Variants in UIMC1 observed in about 807,000 individuals in gnomAD.
UIMC1 encodes the protein ubiquitin interaction motif containing 1.
Under a neutral mutation model 84.9 loss-of-function variants are expected in UIMC1, and 42 were observed. That is an observed-to-expected ratio of 0.49 (90% CI 0.39 to 0.64). UIMC1 has a LOEUF of 0.64. Ranked by LOEUF, UIMC1 falls within the 30% of genes least tolerant of loss-of-function variation. The probability of loss-of-function intolerance (pLI) is 0.00; values close to 1 mark genes in which losing one functional copy is unlikely to be tolerated. For synonymous variants in UIMC1, 281 were observed against 293.0 expected (o/e 0.96, Z 0.42); for missense variants, 825 against 847.6 (o/e 0.97, Z 0.33).
At position 176,982,320 on chromosome 5, in the gene UIMC1, C is replaced by A; in HGVS notation, c.147+149G>T. On this transcript the variant is annotated intron_variant, in intron 2 of 14. Coordinates refer to ENST00000511320, the MANE Select transcript of UIMC1 (RefSeq NM_001199298.2). ...TACTACCTTAAGTAATTCTTCATTC[C>A]ATTTACAAATTAAAACAAAGCTGAG... 9 of 851,938 alleles carry A rather than the reference C, an allele frequency of 1.1e-5. No homozygotes were observed. The South Asian group carries it at 1.7e-4, about 16-fold the overall frequency. The allele number at this position is 851,938 out of a possible 1,614,324, so 52.8% of individuals were successfully genotyped here.
At chr5:176,975,539 C>T in intron 2 of UIMC1, 59 bp from the exon 3 acceptor site, 3 of 1,546,016 alleles carry the variant, frequency 1.9e-6, no homozygotes, top group Non-Finnish European at 2.7e-6. Context: ...TGATTTCTCT[C>T]TCTTCTACCT....
intron 2 of UIMC1, among the ~76,000 whole-genome samples, chr5:176,981,235 C>G (rs1005403746): frequency 1.3e-5 from 2 of 150,222 alleles, no homozygotes; most frequent in Non-Finnish European, 3.0e-5. Context: ...AGCTTCGCCT[C>G]CAGGGTTCAA....
At chr5:176,982,925 C>T (rs1297392179) in intron 1 of UIMC1, among the ~76,000 whole-genome samples, 1 of 152,178 alleles carries the variant, frequency 6.6e-6, no homozygotes, top group Non-Finnish European at 1.5e-5. Context: ...TCTCAAACTC[C>T]TCACTTCAGG....
chr5:176,914,181 C>A (rs1760681036), intron 10 of UIMC1, among the ~76,000 whole-genome samples: 1 of 151,768 alleles, frequency 6.6e-6, no homozygotes, highest in African/African-American at 2.4e-5. Context: ...CCCTTAAATG[C>A]AGGATTTTGT....
chr5:176,908,443 A>C (rs1341979654), intron 12 of UIMC1, 80 bp downstream of exon 12: 1 of 1,379,570 alleles, frequency 7.2e-7, no homozygotes, highest in Non-Finnish European at 9.6e-7. Context: ...GAAGAGGGAA[A>C]AGCCAGAACA....
At chr5:176,984,302 C>T (rs1248346934) in intron 1 of UIMC1, among the ~76,000 whole-genome samples, 31 of 116,478 alleles carry the variant, frequency 2.7e-4, no homozygotes, top group African/African-American at 8.2e-4. Flanking sequence ...GCCGCCACCC[C>T]GTCTGGGAAA....
Position 176,969,161 on chromosome 5 carries a change from T to C in UIMC1, c.594A>G (p.Ser198=), listed in dbSNP as rs1384124662. 1.2e-6 allele frequency: 2 copies of C among 1,614,102 alleles called. No homozygotes were observed. Among genetic ancestry groups the C allele is most frequent in the Non-Finnish European group, 1.7e-6 (2 of 1,180,038 alleles). Reference sequence around the variant, plus strand: ...GCTGGCTTGACTGGTCCCAGCTTCCTGAGCTGCCAGAGACCGGCTCCTCTT... The same window carrying C: ...GCTGGCTTGACTGGTCCCAGCTTCCCGAGCTGCCAGAGACCGGCTCCTCTT... The part of the protein sequence containing the change: ...KTEEEPVSGS[S]GSWDQSSQPV... The change falls in exon 6 of 15, where the codon TCA becomes TCG. Residue 198 remains serine (S), a synonymous_variant. Transcript: ENST00000511320.
At chr5:176,945,257 C>T (rs1764930943) in intron 9 of UIMC1, among the ~76,000 whole-genome samples, 1 of 152,158 alleles carries the variant, frequency 6.6e-6, no homozygotes, top group South Asian at 2.1e-4. Context: ...CACTAAGCTC[C>T]TCACAAATCC....
At chr5:176,937,605 C>T (rs1721692297) in intron 10 of UIMC1, among the ~76,000 whole-genome samples, 1 of 152,102 alleles carries the variant, frequency 6.6e-6, no homozygotes, top group African/African-American at 2.4e-5. Context: ...TTAACCAGTG[C>T]GTAGTATTAT....
Position 176,905,507 on chromosome 5 carries a change from A to G in UIMC1, c.1950-15T>C. 6.2e-7 allele frequency: 1 copy of G among 1,611,392 alleles called. No individual in the cohort carries two copies. Among genetic ancestry groups the G allele is most frequent in the Non-Finnish European group, 8.5e-7 (1 of 1,179,282 alleles). ...GTGAAGGCACCCTAGAGAGAAGGAA[A>G]AAAATTCAGATTCAATATACACCTA... On this transcript the variant is annotated splice_polypyrimidine_tract_variant and intron_variant, in intron 14 of 14. Transcript: ENST00000511320.
chr5:176,958,755 AAATGT>A (rs1766929991), intron 6 of UIMC1, among the ~76,000 whole-genome samples: 1 of 152,268 alleles, frequency 6.6e-6, no homozygotes, highest in Non-Finnish European at 1.5e-5. Context: ...ATCTTTTCAG[AAATGT>A]AATGAATAGG....
upstream of UIMC1, among the ~76,000 whole-genome samples, chr5:177,011,490 G>A (rs551364028): frequency 6.6e-6 from 1 of 151,996 alleles, no homozygotes; most frequent in Non-Finnish European, 1.5e-5. Context: ...GGCTAAGATG[G>A]GAGGATCCCT....
At chr5:176,949,252 T>G (rs1337304473) in intron 9 of UIMC1, among the ~76,000 whole-genome samples, 1 of 152,128 alleles carries the variant, frequency 6.6e-6, no homozygotes, top group African/African-American at 2.4e-5. Context: ...TTTAGAGACA[T>G]CCACAGATAT....
chr5:176,943,133 C>T (rs1485169138), intron 10 of UIMC1, among the ~76,000 whole-genome samples: 1 of 152,138 alleles, frequency 6.6e-6, no homozygotes, highest in Non-Finnish European at 1.5e-5. Flanking sequence ...TCTCCTGAGG[C>T]ATGTGTAACA....
intron 10 of UIMC1, among the ~76,000 whole-genome samples, chr5:176,939,457 G>A (rs1162896267): frequency 1.3e-5 from 2 of 152,036 alleles, no homozygotes; most frequent in African/African-American, 4.8e-5. Context: ...TATGATGGGG[G>A]TGCCATAAAA....
intron 2 of UIMC1, among the ~76,000 whole-genome samples, chr5:176,979,729 C>T (rs1770721884): frequency 6.6e-6 from 1 of 152,108 alleles, no homozygotes; most frequent in African/African-American, 2.4e-5. Context: ...ATATTTTATG[C>T]ACATTCCTGT....
intron 1 of UIMC1, among the ~76,000 whole-genome samples, chr5:177,005,343 G>A (rs771563476): frequency 5.3e-5 from 8 of 152,064 alleles, no homozygotes; most frequent in Non-Finnish European, 1.2e-4. Context: ...TCAAAGTGCT[G>A]GGAGTATAGG....
At chr5:177,022,402 T>A (rs1267315874) in intron 1 of UIMC1, 1 of 267,104 alleles carries the variant, frequency 3.7e-6, no homozygotes, top group Non-Finnish European at 7.0e-6. Context: ...GTGAATGAAA[T>A]GGCGAAAACA....
At chr5:176,930,717 G>A (rs1762976015) in intron 10 of UIMC1, among the ~76,000 whole-genome samples, 1 of 152,176 alleles carries the variant, frequency 6.6e-6, no homozygotes, top group African/African-American at 2.4e-5. Flanking sequence ...TTAGAGATCA[G>A]TCTATGCATG....
Sources: allele counts gnomAD v4.1 joint callset (sites outside exome capture counted in the v4.1 genomes callset), GRCh38; gene constraint gnomAD v4.1.1; transcripts MANE v1.5; gene names NCBI Gene and HGNC (gene_info 2026-07-23, HGNC 2026-07-21).